Variants in TNS3 observed in about 807,000 individuals in gnomAD.
TNS3 encodes the protein tensin 3, also known as tensin-3.
In TNS3, 45 loss-of-function variants were observed where a neutral mutation model predicts 140.9. The ratio of observed to expected loss-of-function variants is 0.32; its 90% CI spans 0.25 to 0.41. TNS3 has a LOEUF of 0.41. Among genes scored for constraint, TNS3 ranks in the 10% least tolerant of loss-of-function variants. The pLI is 1.00. For synonymous variants in TNS3, 815 were observed against 788.4 expected (o/e 1.03, Z -0.56); for missense variants, 1,716 against 1,906.7 (o/e 0.90, Z 1.86).
chr7:47,326,634 C>G (rs140296339), intron 20 of TNS3, among the ~76,000 whole-genome samples: 1 of 152,062 alleles, frequency 6.6e-6, no homozygotes. Flanking sequence ...ACCCCTCTCT[C>G]GAAATAGGTG....
At chr7:47,550,791 A>G (rs966299888) in intron 1 of TNS3, among the ~76,000 whole-genome samples, 2 of 152,186 alleles carry the variant, frequency 1.3e-5, no homozygotes, top group African/African-American at 4.8e-5. Flanking sequence ...TGGGATTCGA[A>G]TACTATGAAG....
chr7:47,499,307 A>G (rs986003940), intron 3 of TNS3, among the ~76,000 whole-genome samples: 1 of 152,248 alleles, frequency 6.6e-6, no homozygotes, highest in African/African-American at 2.4e-5. Flanking sequence ...TCTAATTAAA[A>G]TGAGTCAAAA....
intron 20 of TNS3, among the ~76,000 whole-genome samples, chr7:47,341,341 T>C (rs192575009): frequency 6.6e-6 from 1 of 152,344 alleles, no homozygotes; most frequent in African/African-American, 2.4e-5. Flanking sequence ...ACATGTTTGG[T>C]AGAATTATCC....
rs150757507 is a variant in TNS3, at chr7:47,451,653, G to A, written c.-75-9598C>T. On this transcript the variant is annotated intron_variant, in intron 4 of 30. Coordinates refer to ENST00000311160, the MANE Select transcript of TNS3 (RefSeq NM_022748.12). ...AAGGAAGCAGGACTATGAACAGCCC[G>A]GTGACGAGAGACACAGATCACAGCT... Among the ~76,000 whole-genome samples the A allele has an allele frequency of 7.0e-3, 1,069 of 152,312 alleles. 18 individuals are homozygous for A. The highest frequency in any genetic ancestry group is 0.024 in the African/African-American group (998 of 41,574).
At chr7:47,439,231 G>T (rs955177939) in intron 6 of TNS3, among the ~76,000 whole-genome samples, 1 of 152,230 alleles carries the variant, frequency 6.6e-6, no homozygotes, top group Admixed American at 6.5e-5. Flanking sequence ...CCTCACTGAT[G>T]AGTGCAGGAC....
chr7:47,578,900 G>A (rs1479267322), intron 1 of TNS3, among the ~76,000 whole-genome samples: 6 of 152,142 alleles, frequency 3.9e-5, no homozygotes, highest in African/African-American at 9.7e-5. Flanking sequence ...GATTCAAAAC[G>A]CCCTCAATCT....
At chr7:47,542,774 C>CA (rs755908933) in intron 1 of TNS3, among the ~76,000 whole-genome samples, 7 of 151,802 alleles carry the variant, frequency 4.6e-5, no homozygotes, top group Non-Finnish European at 8.8e-5. Context: ...ACTAAAGATA[C>CA]AAAAAATTAG....
chr7:47,324,339 A>G (rs1787910746), intron 20 of TNS3, among the ~76,000 whole-genome samples: 1 of 152,182 alleles, frequency 6.6e-6, no homozygotes, highest in South Asian at 2.1e-4. Flanking sequence ...ATCTGCTGGC[A>G]CTCTGACTGG....
At chr7:47,311,237 C>T (rs890700273) in intron 20 of TNS3, among the ~76,000 whole-genome samples, 1 of 152,174 alleles carries the variant, frequency 6.6e-6, no homozygotes, top group Non-Finnish European at 1.5e-5. Context: ...CTGTTGTTTC[C>T]TGACTTTTTA....
chr7:47,415,730 CT>C (rs1423418613), intron 10 of TNS3, among the ~76,000 whole-genome samples: 1 of 152,268 alleles, frequency 6.6e-6, no homozygotes, highest in Non-Finnish European at 1.5e-5. Flanking sequence ...CACGCCACAT[CT>C]GATAAGAGGC....
intron 4 of TNS3, among the ~76,000 whole-genome samples, chr7:47,451,480 C>CT (rs1217177955): frequency 2.0e-5 from 3 of 152,080 alleles, no homozygotes; most frequent in African/African-American, 7.2e-5. Flanking sequence ...ACTCCAGAGG[C>CT]TAAGGCAGGA....
chr7:47,554,485 T>C (rs1455426278), intron 1 of TNS3, among the ~76,000 whole-genome samples: 1 of 151,908 alleles, frequency 6.6e-6, no homozygotes. Context: ...TTAAGAACAT[T>C]TGTGATTCAT....
At chr7:47,392,358 A>T (rs1224168951) in intron 16 of TNS3, among the ~76,000 whole-genome samples, 4 of 152,230 alleles carry the variant, frequency 2.6e-5, no homozygotes, top group Non-Finnish European at 5.9e-5. Flanking sequence ...CATCAAAGCC[A>T]GCGCTCCCCT....
chr7:47,289,909 G>A (rs181313299), intron 27 of TNS3, among the ~76,000 whole-genome samples: 1 of 152,162 alleles, frequency 6.6e-6, no homozygotes, highest in African/African-American at 2.4e-5. Context: ...AGTTAATACA[G>A]AAAGGCAAAA....
At position 47,410,064 on chromosome 7, in the gene TNS3, C is replaced by G. The variant is rs901855752; in HGVS notation, c.723+1663G>C. Reference sequence around the variant, plus strand: ...ATACAGACTCAGGCCCTTCGTCCAACGATCCCAGGAAGTGTCCTGGGAGAA... The same window carrying G: ...ATACAGACTCAGGCCCTTCGTCCAAGGATCCCAGGAAGTGTCCTGGGAGAA... On this transcript the variant is annotated intron_variant, in intron 13 of 30. Coordinates refer to ENST00000311160, the MANE Select transcript of TNS3 (RefSeq NM_022748.12). 7.2e-5 allele frequency among the ~76,000 whole-genome samples: 11 copies of G among 152,174 alleles called. No homozygotes were observed. The South Asian group carries it at 1.2e-3, about 17-fold the overall frequency.
intron 2 of TNS3, among the ~76,000 whole-genome samples, chr7:47,519,816 C>CTTT (rs34418629): frequency 0.059 from 4,433 of 74,758 alleles, 547 homozygotes; most frequent in East Asian, 0.12. Context: ...CCTCACATTT[C>CTTT]TTTTTTTTTT....
chr7:47,463,716 G>A (rs1195590367), intron 4 of TNS3, among the ~76,000 whole-genome samples: 1 of 152,194 alleles, frequency 6.6e-6, no homozygotes, highest in Middle Eastern at 3.2e-3. Context: ...GAAGAGCTTT[G>A]CTTTGTTCAG....
chr7:47,570,943 G>A (rs1800537390), intron 1 of TNS3, among the ~76,000 whole-genome samples: 1 of 152,122 alleles, frequency 6.6e-6, no homozygotes. Context: ...GCAGATGAAG[G>A]CCATGGCTAA....
intron 1 of TNS3, among the ~76,000 whole-genome samples, chr7:47,566,816 G>T (rs1161168775): frequency 6.6e-6 from 1 of 152,066 alleles, no homozygotes; most frequent in Non-Finnish European, 1.5e-5. Context: ...CAGGCAGGTG[G>T]ATCACCTGAG....
Sources: gnomAD v4.1 joint callset for allele counts (sites outside exome capture counted in the v4.1 genomes callset) on GRCh38, gnomAD v4.1.1 for gene constraint, MANE v1.5 for transcripts, NCBI Gene and HGNC (gene_info 2026-07-23, HGNC 2026-07-21) for gene names.